ZNF385D: variants seen among roughly 807,000 people sequenced by gnomAD.
ZNF385D encodes zinc finger protein 659.
ZNF385D carries 15 observed loss-of-function variants against 35.8 expected under a neutral mutation model. That is an observed-to-expected ratio of 0.42 (90% CI 0.28 to 0.64). The LOEUF (loss-of-function observed/expected upper bound fraction) is 0.64. Ranked by LOEUF, ZNF385D falls within the 30% of genes least tolerant of loss-of-function variation. The pLI is 0.23. For synonymous variants in ZNF385D, 212 were observed against 186.8 expected, an observed-to-expected ratio of 1.13 and a Z score of -1.10; for missense variants, 474 against 494.6, an observed-to-expected ratio of 0.96 and a Z score of 0.39.
At chr3:22,123,377 T>C (rs1315283616) in intron 3 of ZNF385D, among the ~76,000 whole-genome samples, 3 of 152,152 alleles carry the variant, frequency 2.0e-5, no homozygotes, top group Admixed American at 1.3e-4. Flanking sequence ...ACGGGATATT[T>C]TGGTGTATAT....
intron 2 of ZNF385D, among the ~76,000 whole-genome samples, chr3:22,177,544 T>A (rs764984512): frequency 6.6e-6 from 1 of 152,198 alleles, no homozygotes; most frequent in African/African-American, 2.4e-5. Context: ...TCTGTGAAGT[T>A]TGAGAAGAGA....
chr3:21,668,152 G>A (rs2066461949), intron 1 of ZNF385D, among the ~76,000 whole-genome samples: 9 of 152,130 alleles, frequency 5.9e-5, no homozygotes, highest in Admixed American at 5.9e-4. Flanking sequence ...TCAGCTGCTT[G>A]GAGTGCTGGT....
intron 1 of ZNF385D, among the ~76,000 whole-genome samples, chr3:21,686,255 C>A (rs935773477): frequency 7.9e-5 from 12 of 151,920 alleles, no homozygotes; most frequent in African/African-American, 2.7e-4. Flanking sequence ...GTTATAACAC[C>A]AAATTGTTAT....
At chr3:21,844,970 T>A (rs755014530) in intron 3 of ZNF385D, among the ~76,000 whole-genome samples, 31 of 151,854 alleles carry the variant, frequency 2.0e-4, no homozygotes, top group Non-Finnish European at 2.9e-4. Flanking sequence ...CTTTAAAACA[T>A]GTGTTGATGT....
At chr3:22,046,110 C>A (rs1050624023) in intron 3 of ZNF385D, among the ~76,000 whole-genome samples, 1 of 152,060 alleles carries the variant, frequency 6.6e-6, no homozygotes, top group Non-Finnish European at 1.5e-5. Context: ...CTGTTTCAAC[C>A]AAAATGACAG....
intron 3 of ZNF385D, among the ~76,000 whole-genome samples, chr3:22,122,721 A>C (rs1703158750): frequency 6.6e-6 from 1 of 152,208 alleles, no homozygotes; most frequent in South Asian, 2.1e-4. Flanking sequence ...GGAAAGTACC[A>C]AGAAAGGCCT....
chr3:22,018,310 G>A (rs1033888565), intron 3 of ZNF385D, among the ~76,000 whole-genome samples: 14 of 151,112 alleles, frequency 9.3e-5, no homozygotes, highest in African/African-American at 3.2e-4. Flanking sequence ...ATTTCACTGT[G>A]GATACTCTGT....
chr3:21,980,961 C>G (rs1367134160), intron 3 of ZNF385D, among the ~76,000 whole-genome samples: 1 of 152,094 alleles, frequency 6.6e-6, no homozygotes, highest in Non-Finnish European at 1.5e-5. Context: ...TTTATCCAAT[C>G]TGTCTTTAGT....
intron 2 of ZNF385D, among the ~76,000 whole-genome samples, chr3:21,628,281 C>A (rs914741450): frequency 3.9e-5 from 6 of 152,212 alleles, no homozygotes; most frequent in Admixed American, 6.6e-5. Flanking sequence ...TAATTGCTCA[C>A]AAGCAACAAT....
At chr3:21,795,553 A>G (rs539116813) in intron 3 of ZNF385D, among the ~76,000 whole-genome samples, 1 of 152,232 alleles carries the variant, frequency 6.6e-6, no homozygotes, top group Non-Finnish European at 1.5e-5. Flanking sequence ...AAAAATTTTT[A>G]AAAATCCTTT....
chr3:21,750,784 G>T, intron 1 of ZNF385D, 111 bp downstream of exon 1: 1 of 1,368,520 alleles, frequency 7.3e-7, no homozygotes. Flanking sequence ...GCCAACTGGA[G>T]GTAGGTTTAA....
intron 3 of ZNF385D, among the ~76,000 whole-genome samples, chr3:21,911,352 T>C (rs1340167922): frequency 6.6e-6 from 1 of 151,942 alleles, no homozygotes; most frequent in Non-Finnish European, 1.5e-5. Context: ...ATGTAAAGTG[T>C]TTTGTAGATC....
At chr3:22,149,549 T>G (rs1253737145) in intron 3 of ZNF385D, among the ~76,000 whole-genome samples, 2 of 152,154 alleles carry the variant, frequency 1.3e-5, no homozygotes, top group East Asian at 3.9e-4. Flanking sequence ...CCCCAATAAT[T>G]GAATTTCACC....
chr3:21,961,714 G>C (rs746799198), intron 3 of ZNF385D, among the ~76,000 whole-genome samples: 1 of 152,048 alleles, frequency 6.6e-6, no homozygotes, highest in African/African-American at 2.4e-5. Flanking sequence ...ATCCATATAG[G>C]ATTCTAACAT....
intron 3 of ZNF385D, among the ~76,000 whole-genome samples, chr3:21,866,213 G>A (rs1023103532): frequency 1.3e-5 from 2 of 152,036 alleles, no homozygotes; most frequent in Non-Finnish European, 2.9e-5. Context: ...AGCACTTTGA[G>A]AGGCCGAGGC....
At chr3:22,234,274 C>T (rs1482750060) in intron 2 of ZNF385D, among the ~76,000 whole-genome samples, 1 of 152,056 alleles carries the variant, frequency 6.6e-6, no homozygotes, top group African/African-American at 2.4e-5. Context: ...TTATTAGCTG[C>T]CATCAGATTG....
At chr3:22,031,558 A>G (rs936398918) in intron 3 of ZNF385D, among the ~76,000 whole-genome samples, 2 of 152,160 alleles carry the variant, frequency 1.3e-5, no homozygotes, top group Non-Finnish European at 2.9e-5. Context: ...CAGGGCACCA[A>G]GTCCTGAGTC....
chr3:21,677,948 C>G (rs918385048), intron 1 of ZNF385D, among the ~76,000 whole-genome samples: 1 of 151,932 alleles, frequency 6.6e-6, no homozygotes, highest in Non-Finnish European at 1.5e-5. Context: ...TCCCCATAAG[C>G]CAAGTATAAG....
intron 2 of ZNF385D, among the ~76,000 whole-genome samples, chr3:21,567,506 A>C (rs998368059): frequency 2.0e-5 from 3 of 152,160 alleles, no homozygotes; most frequent in Non-Finnish European, 4.4e-5. Context: ...GGATCATTCT[A>C]TCACATCTAT....
Sources: allele counts gnomAD v4.1 joint callset (sites outside exome capture counted in the v4.1 genomes callset), GRCh38; gene constraint gnomAD v4.1.1; transcripts MANE v1.5; gene names NCBI Gene and HGNC (gene_info 2026-07-23, HGNC 2026-07-21).